Variants in CACNA1C observed in about 807,000 individuals in gnomAD.
The protein encoded by CACNA1C is voltage-dependent L-type calcium channel subunit alpha-1C.
CACNA1C carries 30 observed loss-of-function variants against 229.0 expected under a neutral mutation model. The observed-to-expected ratio is 0.13, with a 90% confidence interval of 0.10 to 0.18. The LOEUF (loss-of-function observed/expected upper bound fraction) is 0.18, where lower values mean the gene tolerates loss of function less well. Ranked by LOEUF, CACNA1C falls within the 10% of genes least tolerant of loss-of-function variation. The probability of loss-of-function intolerance (pLI) is 1.00; values close to 1 mark genes in which losing one functional copy is unlikely to be tolerated. For missense variants in CACNA1C, 1,658 were observed against 2,845.0 expected (o/e 0.58, Z 9.49); for synonymous variants, 1,114 against 1,132.5 (o/e 0.98, Z 0.33).
At chr12:2,335,052 C>A (rs1732035380) in intron 3 of CACNA1C, among the ~76,000 whole-genome samples, 2 of 152,180 alleles carry the variant, frequency 1.3e-5, no homozygotes, top group South Asian at 4.1e-4. Flanking sequence ...TAGCAGTGGC[C>A]TCTCATGAGC....
At chr12:2,529,388 A>G (rs972120125) in intron 9 of CACNA1C, among the ~76,000 whole-genome samples, 1 of 152,218 alleles carries the variant, frequency 6.6e-6, no homozygotes, top group Non-Finnish European at 1.5e-5. Flanking sequence ...TGTGGCATTC[A>G]TCTATCTGAT....
chr12:2,230,521 A>G (rs991628711), intron 3 of CACNA1C, among the ~76,000 whole-genome samples: 10 of 152,220 alleles, frequency 6.6e-5, no homozygotes, highest in South Asian at 2.1e-4. Context: ...TAAGAGGAGA[A>G]CAGAAGGGAA....
chr12:2,566,390 AC>A lies in CACNA1C; in HGVS notation c.1509-28del. On this transcript the variant is annotated intron_variant, in intron 11 of 46. Coordinates refer to ENST00000399655, the MANE Select transcript of CACNA1C (RefSeq NM_000719.7). The surrounding 1 kb of genome is among the most constrained non-coding windows in gnomAD (Gnocchi z 4.0). ...TGGAGGAAACCTGAATTCACAGCCAACCCCACCCTTCTCTCCCTGTCCCCTT... is the reference window on the plus strand; with the variant it reads ...TGGAGGAAACCTGAATTCACAGCCAACCCACCCTTCTCTCCCTGTCCCCTT... 1 of 1,547,020 alleles carries A rather than the reference AC, an allele frequency of 6.5e-7. No homozygotes were observed. The highest frequency in any genetic ancestry group is 8.7e-7 in the Non-Finnish European group (1 of 1,144,362).
chr12:2,371,511 A>G (rs1012109866), intron 3 of CACNA1C, among the ~76,000 whole-genome samples: 1 of 152,164 alleles, frequency 6.6e-6, no homozygotes, highest in East Asian at 1.9e-4. Context: ...CTGATTCCGC[A>G]GGTCTCAGGT....
chr12:2,189,491 C>T (rs2097147709), intron 3 of CACNA1C, among the ~76,000 whole-genome samples: 1 of 152,208 alleles, frequency 6.6e-6, no homozygotes, highest in South Asian at 2.1e-4. Context: ...AACAGGGAGA[C>T]TTGCCATATG....
chr12:2,283,586 G>GC (rs1194025750), intron 3 of CACNA1C, among the ~76,000 whole-genome samples: 1 of 152,172 alleles, frequency 6.6e-6, no homozygotes, highest in Non-Finnish European at 1.5e-5. Context: ...CCAGCACAGT[G>GC]CCCGGTACAC....
At position 2,056,758 on chromosome 12, in the gene CACNA1C, G is replaced by A. The variant is rs563581699; in HGVS notation, c.49+3147G>A. On this transcript the variant is annotated intron_variant, in intron 1 of 46. Coordinates refer to ENST00000399655, the MANE Select transcript of CACNA1C (RefSeq NM_000719.7). ...GAAAACTGGAGGAAAGGGGCTATTG[G>A]AGTTCATCATATTATTCCTACTATT... 5.3e-5 allele frequency among the ~76,000 whole-genome samples: 8 copies of A among 152,240 alleles called. No individual in the cohort carries two copies. In the South Asian group the frequency reaches 1.7e-3, roughly 32 times the overall value.
intron 1 of CACNA1C, among the ~76,000 whole-genome samples, chr12:2,111,070 C>A (rs1201728949): frequency 6.6e-6 from 1 of 152,052 alleles, no homozygotes; most frequent in Non-Finnish European, 1.5e-5. Flanking sequence ...TGTCATGGGA[C>A]CGCAGCAATG....
intron 10 of CACNA1C, among the ~76,000 whole-genome samples, chr12:2,550,936 C>T (rs1216274344): frequency 6.6e-6 from 1 of 152,204 alleles, no homozygotes; most frequent in Admixed American, 6.5e-5. Context: ...GACACTGGCA[C>T]CAGGGAGTCT....
chr12:2,126,371 A>G (rs2090059016), intron 3 of CACNA1C, among the ~76,000 whole-genome samples: 1 of 152,224 alleles, frequency 6.6e-6, no homozygotes, highest in Non-Finnish European at 1.5e-5. Flanking sequence ...CCTGTCTACC[A>G]AGAGCTATTA....
intron 3 of CACNA1C, among the ~76,000 whole-genome samples, chr12:2,219,135 C>T (rs993990443): frequency 1.2e-4 from 19 of 152,192 alleles, no homozygotes; most frequent in African/African-American, 4.6e-4. Context: ...ACTGCTGTCC[C>T]TTTTATGATG....
chr12:2,633,764 C>A lies in CACNA1C; in HGVS notation c.3829-533C>A. On this transcript the variant is annotated intron_variant, in intron 29 of 46. Transcript: ENST00000399655. The surrounding 1 kb of genome is among the most constrained non-coding windows in gnomAD (Gnocchi z 5.8). ...AAACCTCCTCATTCCTCCTCCTCTG[C>A]CTCGTCTATTTCTCTCTCTCTCACT... The A allele has an allele frequency of 2.1e-6, 2 of 961,742 alleles. No individual in the cohort carries two copies. The highest frequency in any genetic ancestry group is 3.4e-6 in the Non-Finnish European group (2 of 590,072). The allele number at this position is 961,742 out of a possible 1,614,324, so 59.6% of individuals were successfully genotyped here. A position where few individuals can be genotyped will look rare whatever the true frequency, so the allele number is the denominator to read the frequency against.
At chr12:2,298,615 A>G (rs1197043889) in intron 3 of CACNA1C, among the ~76,000 whole-genome samples, 1 of 152,188 alleles carries the variant, frequency 6.6e-6, no homozygotes, top group Non-Finnish European at 1.5e-5. Context: ...GGGTCTTAAC[A>G]TGGAGGCTTT....
At chr12:2,350,334 C>T (rs2097168452) in intron 3 of CACNA1C, among the ~76,000 whole-genome samples, 1 of 152,148 alleles carries the variant, frequency 6.6e-6, no homozygotes, top group Non-Finnish European at 1.5e-5. Flanking sequence ...CCTTTACTTC[C>T]TAGCAGCCTT....
chr12:2,617,223 T>G (rs2081102263), intron 29 of CACNA1C, among the ~76,000 whole-genome samples: 2 of 152,210 alleles, frequency 1.3e-5, no homozygotes, highest in Admixed American at 6.5e-5. Context: ...GAGTCAGGAC[T>G]AGTCGGTAGC....
chr12:2,455,296 C>T (rs904425309), intron 4 of CACNA1C, among the ~76,000 whole-genome samples: 2 of 152,178 alleles, frequency 1.3e-5, no homozygotes, highest in Non-Finnish European at 2.9e-5. Context: ...GGTAGCCACA[C>T]GTGGCCATTC....
chr12:2,224,039 T>C (rs918437761), intron 3 of CACNA1C, among the ~76,000 whole-genome samples: 4 of 152,156 alleles, frequency 2.6e-5, no homozygotes, highest in Non-Finnish European at 5.9e-5. Flanking sequence ...AAAAGTTGGA[T>C]GTATCATTTG....
chr12:2,574,173 A>T (rs773277841), intron 13 of CACNA1C, among the ~76,000 whole-genome samples: 1 of 152,198 alleles, frequency 6.6e-6, no homozygotes, highest in Non-Finnish European at 1.5e-5. Flanking sequence ...CTCATTGAAA[A>T]CAGTGGGGCA....
chr12:2,548,738 G>C (rs933306276), intron 9 of CACNA1C, among the ~76,000 whole-genome samples: 8 of 152,144 alleles, frequency 5.3e-5, no homozygotes, highest in Non-Finnish European at 1.0e-4. Context: ...TGAAGGAAAG[G>C]AAACCAGGAA....
Sources: gnomAD v4.1 joint callset for allele counts (sites outside exome capture counted in the v4.1 genomes callset) on GRCh38, gnomAD v4.1.1 for gene constraint, Gnocchi (gnomAD v3.1) non-coding constraint, MANE v1.5 for transcripts, NCBI Gene and HGNC (gene_info 2026-07-23, HGNC 2026-07-21) for gene names.